Variants in CYP24A1 observed in about 807,000 individuals in gnomAD.
CYP24A1 encodes cytochrome P450 family 24 subfamily A member 1, also known as 1,25-dihydroxyvitamin D(3) 24-hydroxylase, mitochondrial.
In CYP24A1, 68 loss-of-function variants were observed where a neutral mutation model predicts 62.4. The ratio of observed to expected loss-of-function variants is 1.09; its 90% confidence interval spans 0.90 to 1.33. The LOEUF (loss-of-function observed/expected upper bound fraction) is 1.33. CYP24A1 is among the 40% of genes most tolerant of loss of function. The pLI is 0.00. For missense variants in CYP24A1, 787 were observed against 653.0 expected (o/e 1.21, Z -2.24); for synonymous variants, 267 against 253.0 (o/e 1.06, Z -0.52).
chr20:54,153,716 A>C lies in CYP24A1; in HGVS notation c.*1056T>G, dbSNP rs1229293981. 2 of 152,684 alleles carry C rather than the reference A, an allele frequency of 1.3e-5. No homozygotes were observed. The highest frequency in any genetic ancestry group is 4.8e-5 in the African/African-American group (2 of 41,470). The allele number at this position is 152,684 out of a possible 1,614,324, so 9.5% of individuals were successfully genotyped here. A position where few individuals can be genotyped will look rare whatever the true frequency, so the allele number is the denominator to read the frequency against. ...AAAGCAGTAGTAAAAATATGCACAA[A>C]TAAACCATCTGTAAACACAATTTTT... is the stretch of plus-strand genomic sequence containing the variant. On this transcript the variant is annotated 3_prime_UTR_variant, in exon 12 of 12. Transcript: ENST00000216862.
chr20:54,148,917 C>G (rs774646802), downstream of CYP24A1, among the ~76,000 whole-genome samples: 2 of 152,164 alleles, frequency 1.3e-5, no homozygotes, highest in African/African-American at 4.8e-5. Context: ...CCATCCTGGC[C>G]AACATGGTGA....
chr20:54,156,402 T>C (rs946530205), intron 11 of CYP24A1, among the ~76,000 whole-genome samples: 2 of 152,334 alleles, frequency 1.3e-5, no homozygotes, highest in Non-Finnish European at 2.9e-5. Flanking sequence ...CCATTGTTAC[T>C]GGCTTTCAGT....
At chr20:54,171,543 C>A in intron 3 of CYP24A1, 34 bp downstream of exon 3, 4 of 1,613,816 alleles carry the variant, frequency 2.5e-6, no homozygotes, top group Non-Finnish European at 3.4e-6. Flanking sequence ...TATGTCCCCA[C>A]GAGCCCCAGG....
At chr20:54,146,123 T>G in the CYP24A1 span, among the ~76,000 whole-genome samples, 2 of 152,204 alleles carry the variant, frequency 1.3e-5, no homozygotes, top group Non-Finnish European at 2.9e-5. Flanking sequence ...ACACTTAATA[T>G]AATGCCAATC....
intron 2 of CYP24A1, chr20:54,172,684 A>C: frequency 1.9e-6 from 2 of 1,030,448 alleles, no homozygotes; most frequent in Non-Finnish European, 2.7e-6. Context: ...CCCTGTTGCC[A>C]GAGAGAACGC....
chr20:54,165,829 G>C lies in CYP24A1; in HGVS notation c.645C>G (p.Ile215Met), dbSNP rs1326459971. The change falls in exon 5 of 12, where the codon ATC becomes ATG. Residue 215 changes from isoleucine to methionine, a missense_variant. Ile to Met is a conservative substitution (Grantham distance 10). Coordinates refer to ENST00000216862, the MANE Select transcript of CYP24A1 (RefSeq NM_000782.5). ...SELNKWSFES[I>M]CLVLYEKRFG... ...ATCTCTTCTCATACAACACGAGGCAGATACCTGTCATTTAAAATAATCATC... is the reference window on the plus strand; with the variant it reads ...ATCTCTTCTCATACAACACGAGGCACATACCTGTCATTTAAAATAATCATC... 2 of 1,346,358 alleles carry C rather than the reference G, an allele frequency of 1.5e-6. No homozygotes were observed. Among genetic ancestry groups the C allele is most frequent in the East Asian group, 2.3e-5 (1 of 43,718 alleles). 83.4% of individuals were successfully genotyped at this position (1,346,358 alleles called of 1,614,324 possible).
At chr20:54,162,571 GCA>G in intron 7 of CYP24A1, 144 bp downstream of exon 7, 1 of 559,450 alleles carries the variant, frequency 1.8e-6, no homozygotes, top group African/African-American at 2.7e-5. Context: ...AGGCACCGTG[GCA>G]TCTAGTATGA....
At position 54,163,022 on chromosome 20, in the gene CYP24A1, T is replaced by C. The variant is rs1400944218; in HGVS notation, c.845-160A>G. On this transcript the variant is annotated intron_variant, in intron 6 of 11. Coordinates refer to ENST00000216862, the MANE Select transcript of CYP24A1 (RefSeq NM_000782.5). ...CACACTAATTATATTATTGCCTTCT[T>C]GTCAAGTCGGCAAGGATTTTTCAAT... Among the ~76,000 whole-genome samples, 3 of 152,212 alleles carry C rather than the reference T, an allele frequency of 2.0e-5. No individual in the cohort carries two copies. The East Asian group carries it at 5.8e-4, about 29-fold the overall frequency.
intron 4 of CYP24A1, among the ~76,000 whole-genome samples, chr20:54,169,002 A>G (rs1056570060): frequency 2.0e-5 from 3 of 151,870 alleles, no homozygotes; most frequent in African/African-American, 7.3e-5. Context: ...GGGTCAAGCA[A>G]TCCTCCCACC....
intron 4 of CYP24A1, among the ~76,000 whole-genome samples, chr20:54,169,045 G>A (rs187375680): frequency 2.2e-3 from 327 of 152,030 alleles, no homozygotes; most frequent in African/African-American, 7.6e-3. Context: ...CTACAGGCAT[G>A]TGCCACCAAC....
rs946266753 is a variant in CYP24A1 at position 54,173,233 on chromosome 20, C to T, written c.258+89G>A. The T allele has an allele frequency of 1.1e-5, 16 of 1,520,310 alleles. No individual in the cohort carries two copies. The African/African-American group carries it at 1.9e-4, about 18-fold the overall frequency. 94.2% of individuals were successfully genotyped at this position (1,520,310 alleles called of 1,614,324 possible). On this transcript the variant is annotated intron_variant, in intron 1 of 11. Transcript: ENST00000216862. The surrounding 1 kb of genome is among the most constrained non-coding windows in gnomAD (Gnocchi z 7.2). ...CCCAGACGCCGAAGCGCACCATGCG[C>T]CCGAGGCGCGCATGTCGGGGAGGGT...
At chr20:54,163,734 A>T (rs931087634) in intron 6 of CYP24A1, among the ~76,000 whole-genome samples, 6 of 152,254 alleles carry the variant, frequency 3.9e-5, no homozygotes, top group Non-Finnish European at 8.8e-5. Flanking sequence ...ATACTGTGAT[A>T]TGCCAGGTTT....
chr20:54,171,535 T>C, intron 3 of CYP24A1, 42 bp downstream of exon 3: 10 of 1,613,774 alleles, frequency 6.2e-6, no homozygotes, highest in Non-Finnish European at 8.5e-6. Context: ...AATATCCCTA[T>C]GTCCCCACGA....
intron 7 of CYP24A1, among the ~76,000 whole-genome samples, chr20:54,161,038 C>T (rs1446734713): frequency 2.6e-5 from 4 of 152,232 alleles, no homozygotes; most frequent in African/African-American, 7.2e-5. Flanking sequence ...TCAGGTGATT[C>T]CCTTGCTTAA....
At chr20:54,147,437 G>A in the CYP24A1 span, among the ~76,000 whole-genome samples, 17 of 152,168 alleles carry the variant, frequency 1.1e-4, no homozygotes, top group African/African-American at 3.6e-4. Flanking sequence ...GGCTGAGTCA[G>A]GACTCAATGT....
Position 54,165,771 on chromosome 20 carries a change from CT to C in CYP24A1, c.702del (p.Ala235LeufsTer2). On this transcript the variant is annotated frameshift_variant, in exon 5 of 12. Transcript: ENST00000216862. LOFTEE classifies it high-confidence loss of function. Reference protein sequence around the residue: ...FGLLQKNAGDEAVNFIMAIKT... With the variant: ...FGLLQKNAGDXAVNFIMAIKT... ...TTGATGGCCATGATGAAGTTCACAG[CT>C]TCATCCCCTGCATTCTTCTGGAGAA... is the stretch of plus-strand genomic sequence containing the variant. 6.5e-7 allele frequency: 1 copy of C among 1,535,402 alleles called. No individual in the cohort carries two copies. The highest frequency in any genetic ancestry group is 9.0e-7 in the Non-Finnish European group (1 of 1,107,796).
At chr20:54,145,639 C>CAAAAAA in the CYP24A1 span, among the ~76,000 whole-genome samples, 1 of 93,852 alleles carries the variant, frequency 1.1e-5, no homozygotes, top group Non-Finnish European at 2.1e-5. Flanking sequence ...GACTCTGTCT[C>CAAAAAA]AAAAAAAAAA....
chr20:54,172,744 A>G (rs2092698120), intron 2 of CYP24A1, 165 bp downstream of exon 2: 5 of 1,475,084 alleles, frequency 3.4e-6, no homozygotes, highest in African/African-American at 1.4e-5. Context: ...TCTAATCTGT[A>G]CAAGAGCTCA....
At chr20:54,164,696 G>A (rs1478877243) in intron 5 of CYP24A1, 133 bp from the exon 6 acceptor site, 8 of 1,531,118 alleles carry the variant, frequency 5.2e-6, no homozygotes, top group African/African-American at 1.4e-5. Context: ...GGACACCCCC[G>A]GCTCTCTCTG....
Sources: allele counts gnomAD v4.1 joint callset (sites outside exome capture counted in the v4.1 genomes callset), GRCh38; gene constraint gnomAD v4.1.1; non-coding constraint Gnocchi (gnomAD v3.1); transcripts MANE v1.5; gene names NCBI Gene and HGNC (gene_info 2026-07-23, HGNC 2026-07-21).